SP100: variants seen among roughly 807,000 people sequenced by gnomAD.
The protein encoded by SP100 is SP100 nuclear body protein.
Under a neutral mutation model 130.0 loss-of-function variants are expected in SP100, and 84 were observed. The observed-to-expected ratio is 0.65, with a 90% CI of 0.54 to 0.77. The LOEUF is 0.77. Among genes scored for constraint, SP100 ranks in the 30% least tolerant of loss-of-function variants. SP100 has a pLI of 0.00. For synonymous variants in SP100, 331 were observed against 351.7 expected (o/e 0.94, Z 0.66); for missense variants, 978 against 1,052.2 (o/e 0.93, Z 0.97).
intron 17 of SP100, among the ~76,000 whole-genome samples, chr2:230,475,809 C>G (rs968792386): frequency 1.3e-5 from 2 of 152,044 alleles, no homozygotes; most frequent in Admixed American, 1.3e-4. Flanking sequence ...TTTCCCATTG[C>G]TTATTTTTGT....
intron 9 of SP100, among the ~76,000 whole-genome samples, chr2:230,462,131 G>A (rs1433529248): frequency 6.6e-6 from 1 of 152,036 alleles, no homozygotes; most frequent in East Asian, 1.9e-4. Flanking sequence ...AGAAGCAGGG[G>A]AGATGGCAGA....
At chr2:230,465,264 T>C (rs1349761647) in intron 11 of SP100, among the ~76,000 whole-genome samples, 1 of 151,424 alleles carries the variant, frequency 6.6e-6, no homozygotes, top group African/African-American at 2.4e-5. Flanking sequence ...GGAATGGTAG[T>C]GTGTGTGCAC....
chr2:230,470,018 T>C lies in SP100; in HGVS notation c.1349T>C (p.Phe450Ser). ...TWRIPSRKRR[F>S]SSSDFSDLSN... ...GGAATTTTATTTTTTTCTGCAGGTTTCAGCAGTAGTGACTTTTCAGACCTG... is the reference window on the plus strand; with the variant it reads ...GGAATTTTATTTTTTTCTGCAGGTTCCAGCAGTAGTGACTTTTCAGACCTG... Residue 450 changes from phenylalanine to serine, a missense_variant, in exon 15 of 29, where the codon TTC becomes TCC. Physicochemically the swap from Phe to Ser is radical, Grantham distance 155. Transcript: ENST00000340126. The C allele has an allele frequency of 6.2e-7, 1 of 1,612,084 alleles. No homozygotes were observed. Among genetic ancestry groups the C allele is most frequent in the Non-Finnish European group, 8.5e-7 (1 of 1,179,004 alleles).
At chr2:230,452,017 A>G (rs1360341464) in intron 8 of SP100, among the ~76,000 whole-genome samples, 2 of 152,198 alleles carry the variant, frequency 1.3e-5, no homozygotes, top group African/African-American at 4.8e-5. Flanking sequence ...TGCAAGCACC[A>G]TGCTCTTTTG....
intron 24 of SP100, among the ~76,000 whole-genome samples, chr2:230,522,099 G>T (rs534345092): frequency 3.3e-5 from 5 of 152,280 alleles, no homozygotes; most frequent in African/African-American, 7.2e-5. Context: ...CAGTGGGATT[G>T]GCTCCTATCG....
intron 16 of SP100, among the ~76,000 whole-genome samples, chr2:230,473,864 C>T (rs1252665225): frequency 1.3e-5 from 2 of 150,568 alleles, no homozygotes; most frequent in Admixed American, 1.3e-4. Flanking sequence ...ATTTATAAAG[C>T]GAGTTCCATC....
intron 23 of SP100, chr2:230,509,771 C>T (rs1401406829): frequency 1.3e-5 from 2 of 152,146 alleles, no homozygotes; most frequent in Non-Finnish European, 1.5e-5. Context: ...CTGAGATACC[C>T]CAGGATAATA....
At chr2:230,515,664 C>T in intron 24 of SP100, 5 of 1,584,948 alleles carry the variant, frequency 3.2e-6, no homozygotes, top group Non-Finnish European at 4.3e-6. Context: ...CAGTTTTTTT[C>T]TTGTCTATAA....
Position 230,474,898 on chromosome 2 carries a change from T to C in SP100, c.1600+451T>C, listed in dbSNP as rs193239752. ...TATGGCTGCATAGTATTTCATGGTGTATATGTGTGCCACATTTTCTTTATC... is the reference window on the plus strand; with the variant it reads ...TATGGCTGCATAGTATTTCATGGTGCATATGTGTGCCACATTTTCTTTATC... On this transcript the variant is annotated intron_variant, in intron 17 of 28. Transcript: ENST00000340126. Among the ~76,000 whole-genome samples, 269 of 152,142 alleles carry C rather than the reference T, an allele frequency of 1.8e-3. 3 individuals carry two copies. The highest frequency in any genetic ancestry group is 1.2e-4 in the Non-Finnish European group (8 of 68,024).
chr2:230,471,084 T>C (rs1330954386), intron 15 of SP100, among the ~76,000 whole-genome samples: 2 of 151,776 alleles, frequency 1.3e-5, no homozygotes, highest in African/African-American at 2.4e-5. Context: ...ATATACAAAA[T>C]ACCTAGAAAG....
At position 230,544,670 on chromosome 2, in the gene SP100, G is replaced by A. The variant is rs1217288360; in HGVS notation, c.*1724G>A. ...ACTGATTTTGTATTTTAGTAGAGACGGGGTTTCTCCACATTGGTCAGGCTG... is the reference window on the plus strand; with the variant it reads ...ACTGATTTTGTATTTTAGTAGAGACAGGGTTTCTCCACATTGGTCAGGCTG... On this transcript the variant is annotated 3_prime_UTR_variant, in exon 29 of 29. Transcript: ENST00000340126. Among the ~76,000 whole-genome samples the A allele has an allele frequency of 1.3e-5, 2 of 152,048 alleles. No homozygotes were observed. Among genetic ancestry groups the A allele is most frequent in the South Asian group, 4.2e-4 (2 of 4,818 alleles).
intron 11 of SP100, 47 bp from the exon 12 acceptor site, chr2:230,466,254 T>C (rs1024958149): frequency 4.8e-6 from 5 of 1,051,050 alleles, no homozygotes; most frequent in Non-Finnish European, 7.2e-6. Context: ...ATAGAATTTA[T>C]AAGTCTCTTG....
intron 17 of SP100, among the ~76,000 whole-genome samples, chr2:230,491,536 G>GGCCTGGAGCTATA (rs1355043590): frequency 2.0e-5 from 3 of 152,204 alleles, no homozygotes; most frequent in Non-Finnish European, 4.4e-5. Context: ...GGAGAAGCAT[G>GGCCTGGAGCTATA]GCCTGGAGCT....
chr2:230,462,376 G>C (rs1260943909), intron 9 of SP100, 59 bp from the exon 10 acceptor site: 1 of 1,327,114 alleles, frequency 7.5e-7, no homozygotes, highest in South Asian at 1.2e-5. Flanking sequence ...GAATTTCCTG[G>C]TGCATGGACT....
At chr2:230,465,823 C>T (rs1278) in intron 11 of SP100, among the ~76,000 whole-genome samples, 36,809 of 151,806 alleles carry the variant, frequency 0.24, 5,110 homozygotes, top group Middle Eastern at 0.32. Context: ...GGGCAGGATC[C>T]CAACATTATG....
At chr2:230,416,468 G>A in intron 1 of SP100, 140 bp downstream of exon 1, 2 of 761,688 alleles carry the variant, frequency 2.6e-6, no homozygotes, top group Non-Finnish European at 4.2e-6. Context: ...ATAATGAAAT[G>A]AAAGACAAGT....
At chr2:230,482,366 AG>A (rs2065874708) in intron 17 of SP100, among the ~76,000 whole-genome samples, 1 of 152,132 alleles carries the variant, frequency 6.6e-6, no homozygotes, top group Non-Finnish European at 1.5e-5. Flanking sequence ...AGCAAGAGTG[AG>A]GCTCAGTTGA....
At chr2:230,499,905 C>T (rs73095102) in intron 19 of SP100, among the ~76,000 whole-genome samples, 2,584 of 150,970 alleles carry the variant, frequency 0.017, 76 homozygotes, top group African/African-American at 0.06. Context: ...GAAATGTGGC[C>T]TCTCTCATAA....
chr2:230,465,378 G>A (rs1042169555), intron 11 of SP100, among the ~76,000 whole-genome samples: 1 of 152,164 alleles, frequency 6.6e-6, no homozygotes, highest in Non-Finnish European at 1.5e-5. Flanking sequence ...TAGCCTGGGT[G>A]ACAGAGTGAG....
Sources: gnomAD v4.1 joint callset for allele counts (sites outside exome capture counted in the v4.1 genomes callset) on GRCh38, gnomAD v4.1.1 for gene constraint, MANE v1.5 for transcripts, NCBI Gene and HGNC (gene_info 2026-07-23, HGNC 2026-07-21) for gene names.